ZDHHC2: variants seen among roughly 807,000 people sequenced by gnomAD.
ZDHHC2 encodes palmitoyltransferase ZDHHC2.
ZDHHC2 carries 51 observed loss-of-function variants against 55.6 expected under a neutral mutation model. The observed-to-expected ratio is 0.92, with a 90% CI of 0.73 to 1.16. The LOEUF (loss-of-function observed/expected upper bound fraction) is 1.16. Ranked by LOEUF, ZDHHC2 falls within the 50% of genes most tolerant of loss-of-function variation. The pLI is 0.00. For synonymous variants in ZDHHC2, 199 were observed against 152.9 expected (o/e 1.30, Z -2.22); for missense variants, 491 against 442.4 (o/e 1.11, Z -0.99).
At chr8:17,218,972 C>T (rs377709054) in intron 12 of ZDHHC2, among the ~76,000 whole-genome samples, 5 of 151,874 alleles carry the variant, frequency 3.3e-5, no homozygotes, top group East Asian at 1.9e-4. Context: ...TCATATTGGC[C>T]GGGCGCGGTG....
In ZDHHC2 at chr8:17,156,582, C is replaced by A; in HGVS notation, c.-142C>A. On this transcript the variant is annotated 5_prime_UTR_variant, in exon 1 of 13. Coordinates refer to ENST00000262096, the MANE Select transcript of ZDHHC2 (RefSeq NM_016353.5). ...TCGGGGCTGCGGGATGGGGAGTTAG[C>A]GCCACGGCGGCGGCAGTGGCCGCAG... is the stretch of plus-strand genomic sequence containing the variant. 1 of 523,124 alleles carries A rather than the reference C, an allele frequency of 1.9e-6. No individual in the cohort carries two copies. 32.4% of individuals were successfully genotyped at this position (523,124 alleles called of 1,614,324 possible).
chr8:17,209,884 A>G lies in ZDHHC2; in HGVS notation c.731-48A>G, dbSNP rs191027482. ...TTATTGATAAATATTCAGGATTGCT[A>G]GTAAATATGTTCTTTACTCATGTGA... On this transcript the variant is annotated intron_variant, in intron 8 of 12. Transcript: ENST00000262096. 5.2e-6 allele frequency: 8 copies of G among 1,540,402 alleles called. No individual in the cohort carries two copies. The Admixed American group carries it at 6.7e-5, about 13-fold the overall frequency.
intron 3 of ZDHHC2, among the ~76,000 whole-genome samples, chr8:17,189,153 CTCT>C (rs2150912250): frequency 7.6e-6 from 1 of 131,292 alleles, no homozygotes; most frequent in East Asian, 2.2e-4. Context: ...TTTTGGCCTC[CTCT>C]TGTGTATTTT....
chr8:17,201,083 T>TA, intron 6 of ZDHHC2, among the ~76,000 whole-genome samples: 1 of 152,270 alleles, frequency 6.6e-6, no homozygotes, highest in East Asian at 1.9e-4. Flanking sequence ...AAGTTTTAAA[T>TA]AAAAAAGTCT....
chr8:17,186,470 T>TGGTGTA lies in ZDHHC2; in HGVS notation c.252+45_252+46insGGTGTA, dbSNP rs1805717353. The TGGTGTA allele has an allele frequency of 3.4e-6, 4 of 1,177,318 alleles. No individual in the cohort carries two copies. In the African/African-American group the frequency reaches 4.9e-5, roughly 14 times the overall value. The allele number at this position is 1,177,318 out of a possible 1,614,324, so 72.9% of individuals were successfully genotyped here. On this transcript the variant is annotated intron_variant, in intron 3 of 12. Coordinates refer to ENST00000262096, the MANE Select transcript of ZDHHC2 (RefSeq NM_016353.5). ...AAATTATTCTAATAATAGAAATCAA[T>TGGTGTA]AATACTGATGTATTATTGAAGAACG...
chr8:17,165,363 A>G (rs1206737205), intron 1 of ZDHHC2, among the ~76,000 whole-genome samples: 3 of 152,228 alleles, frequency 2.0e-5, no homozygotes, highest in African/African-American at 7.2e-5. Flanking sequence ...ATGGGAAAAG[A>G]TAAAGGGCAG....
At chr8:17,192,956 C>T (rs1806109608) in intron 3 of ZDHHC2, among the ~76,000 whole-genome samples, 1 of 152,122 alleles carries the variant, frequency 6.6e-6, no homozygotes, top group South Asian at 2.1e-4. Flanking sequence ...TCTGGGCTCT[C>T]TGTTCTTTTC....
rs188423571 is a variant in ZDHHC2 at position 17,171,230 on chromosome 8, C to G, written c.131-13559C>G. On this transcript the variant is annotated intron_variant, in intron 1 of 12. Coordinates refer to ENST00000262096, the MANE Select transcript of ZDHHC2 (RefSeq NM_016353.5). ...TAGAAAAGGAAACACCCATACAACT[C>G]TATCTAAACAGGAGAAGTAAACTTA... is the stretch of plus-strand genomic sequence containing the variant. Among the ~76,000 whole-genome samples, 4 of 152,236 alleles carry G rather than the reference C, an allele frequency of 2.6e-5. 1 individual carries two copies. The highest frequency in any genetic ancestry group is 5.9e-5 in the Non-Finnish European group (4 of 68,016).
chr8:17,187,109 G>C (rs1805750573), intron 3 of ZDHHC2, among the ~76,000 whole-genome samples: 1 of 152,196 alleles, frequency 6.6e-6, no homozygotes, highest in African/African-American at 2.4e-5. Flanking sequence ...CCACAAGGAA[G>C]GGGGGAGTGT....
chr8:17,166,000 T>G (rs1804581584), intron 1 of ZDHHC2, among the ~76,000 whole-genome samples: 1 of 152,002 alleles, frequency 6.6e-6, no homozygotes, highest in African/African-American at 2.4e-5. Flanking sequence ...GAAAGGGAAG[T>G]AGGTGACAGG....
intron 6 of ZDHHC2, among the ~76,000 whole-genome samples, chr8:17,205,155 TTTC>T (rs544306133): frequency 1.3e-5 from 2 of 152,236 alleles, no homozygotes; most frequent in South Asian, 2.1e-4. Flanking sequence ...GCCTACTTCT[TTTC>T]TTAAAGCTCC....
rs78315141 is a variant in ZDHHC2, at chr8:17,210,184, T to C, written c.857+126T>C. On this transcript the variant is annotated intron_variant, in intron 9 of 12. Transcript: ENST00000262096. The stretch of plus-strand genomic sequence containing the variant: ...TGTAGGAACTCTTATTTTTAAAAAA[T>C]ATTATTCTATGATTCACCATAATAT... 1,164 of 1,206,638 alleles carry C rather than the reference T, an allele frequency of 9.6e-4. 17 individuals are homozygous for C. The East Asian group carries it at 0.019, about 19-fold the overall frequency. The allele number at this position is 1,206,638 out of a possible 1,614,324, so 74.7% of individuals were successfully genotyped here. A position where few individuals can be genotyped will look rare whatever the true frequency, so the allele number is the denominator to read the frequency against.
rs1418061759 is a variant in ZDHHC2 at position 17,199,562 on chromosome 8, T to TTCG, written c.476+1151_476+1152insGTC. ...TTCGTCTTCTGTCTTCGTCTTCGTC[T>TTCG]TCTTCGTCTTTGTCTTCTTCTTCTT... On this transcript the variant is annotated intron_variant, in intron 6 of 12. Transcript: ENST00000262096. Among the ~76,000 whole-genome samples the TTCG allele has an allele frequency of 3.6e-3, 294 of 80,702 alleles. 14 individuals carry two copies. Among genetic ancestry groups the TTCG allele is most frequent in the Admixed American group, 0.022 (174 of 7,782 alleles). The allele number at this position is 80,702 out of a possible 152,430, so 52.9% of individuals were successfully genotyped here. A position where few individuals can be genotyped will look rare whatever the true frequency, so the allele number is the denominator to read the frequency against.
chr8:17,216,378 T>A (rs551291231), intron 11 of ZDHHC2, among the ~76,000 whole-genome samples: 2 of 152,318 alleles, frequency 1.3e-5, no homozygotes, highest in South Asian at 4.1e-4. Flanking sequence ...AGCCTTATCT[T>A]TAAGAAATAT....
chr8:17,204,944 C>T (rs562891873), intron 6 of ZDHHC2, among the ~76,000 whole-genome samples: 6 of 152,184 alleles, frequency 3.9e-5, no homozygotes, highest in South Asian at 4.2e-4. Flanking sequence ...CCTCAGATAA[C>T]GACTTTGGAG....
chr8:17,195,585 G>A lies in ZDHHC2; in HGVS notation c.334G>A (p.Ala112Thr), dbSNP rs375373193. ...EAHQEVLRRAAKDLPIYTRTM... is the reference protein window; with the variant it reads ...EAHQEVLRRATKDLPIYTRTM... Reference sequence around the variant, plus strand: ...CCATCAGGAAGTTCTTAGGCGAGCAGCCAAGGATCTTCCCATCTATACCAG... The same window carrying A: ...CCATCAGGAAGTTCTTAGGCGAGCAACCAAGGATCTTCCCATCTATACCAG... The change falls in exon 4 of 13, where the codon GCC becomes ACC. Residue 112 changes from alanine to threonine, a missense_variant. Transcript: ENST00000262096. 1.2e-5 allele frequency: 19 copies of A among 1,613,794 alleles called. No homozygotes were observed. Among genetic ancestry groups the A allele is most frequent in the Admixed American group, 1.7e-5 (1 of 59,996 alleles).
At chr8:17,165,073 G>C (rs915748007) in intron 1 of ZDHHC2, among the ~76,000 whole-genome samples, 1 of 152,188 alleles carries the variant, frequency 6.6e-6, no homozygotes, top group South Asian at 2.1e-4. Flanking sequence ...ATAGCACGTT[G>C]GAAGTATTTT....
At chr8:17,178,862 TAACAAA>T (rs1447010096) in intron 1 of ZDHHC2, among the ~76,000 whole-genome samples, 23 of 152,342 alleles carry the variant, frequency 1.5e-4, no homozygotes, top group African/African-American at 5.5e-4. Context: ...ATTAATGTTA[TAACAAA>T]AAACTGTCAC....
At chr8:17,203,791 T>G (rs1040152071) in intron 6 of ZDHHC2, among the ~76,000 whole-genome samples, 4 of 147,364 alleles carry the variant, frequency 2.7e-5, no homozygotes, top group Non-Finnish European at 6.0e-5. Context: ...CACGCACAAT[T>G]TGTGGCTTCT....
Sources: allele counts gnomAD v4.1 joint callset (sites outside exome capture counted in the v4.1 genomes callset), GRCh38; gene constraint gnomAD v4.1.1; transcripts MANE v1.5; gene names NCBI Gene and HGNC (gene_info 2026-07-23, HGNC 2026-07-21).